The following MFAP3L variants were observed in gnomAD, a reference collection of about 807,000 sequenced individuals.
The protein encoded by MFAP3L is microfibril associated protein 3 like, also known as microfibrillar-associated protein 3-like.
A neutral mutation model predicts 20.0 loss-of-function variants in MFAP3L; 5 were observed. That is an observed-to-expected ratio of 0.25 (90% CI 0.13 to 0.53). The LOEUF (loss-of-function observed/expected upper bound fraction) is 0.53. MFAP3L is among the 20% of genes least tolerant of loss of function. MFAP3L has a pLI of 0.96. For synonymous variants in MFAP3L, 219 were observed against 213.0 expected (o/e 1.03, Z -0.25); for missense variants, 409 against 527.5 (o/e 0.78, Z 2.20).
rs1249129254 is a variant in MFAP3L, at chr4:169,988,278, T to A, written c.*3100A>T. 2 of 152,190 alleles carry A rather than the reference T, an allele frequency of 1.3e-5. No individual in the cohort carries two copies. Among genetic ancestry groups the A allele is most frequent in the Non-Finnish European group, 2.9e-5 (2 of 68,014 alleles). The allele number at this position is 152,190 out of a possible 1,614,324, so 9.4% of individuals were successfully genotyped here. ...TAAAACAAAACCATTATAAATTACA[T>A]AGATTTTTCCATATAAAATTGTTTT... On this transcript the variant is annotated 3_prime_UTR_variant, in exon 3 of 3. Transcript: ENST00000361618.
At chr4:169,997,376 G>T (rs765648218) in intron 2 of MFAP3L, among the ~76,000 whole-genome samples, 1 of 152,030 alleles carries the variant, frequency 6.6e-6, no homozygotes, top group Non-Finnish European at 1.5e-5. Flanking sequence ...CCATATTAAA[G>T]TTAAAAGCAA....
intron 1 of MFAP3L, among the ~76,000 whole-genome samples, chr4:170,011,588 T>G (rs7666219): frequency 6.6e-6 from 1 of 151,970 alleles, no homozygotes; most frequent in African/African-American, 2.4e-5. Flanking sequence ...CAATCCAAAT[T>G]GATATGCATT....
chr4:170,026,400 G>A (rs927009921), upstream of MFAP3L: 5 of 555,334 alleles, frequency 9.0e-6, no homozygotes, highest in African/African-American at 1.0e-4. Flanking sequence ...CCGGCTGCCG[G>A]GAGCGCGGAG....
rs1294211670 is a variant in MFAP3L, at chr4:170,001,221, T to C, written c.298+4359A>G. Among the ~76,000 whole-genome samples the C allele has an allele frequency of 2.0e-5, 3 of 152,326 alleles. No homozygotes were observed. In the East Asian group the frequency reaches 5.8e-4, roughly 29 times the overall value. ...TATCACTGGCTGACACAGCTTGTCATGGTCCCTTGCAGAACTAGTTAAAAG... is the reference window on the plus strand; with the variant it reads ...TATCACTGGCTGACACAGCTTGTCACGGTCCCTTGCAGAACTAGTTAAAAG... On this transcript the variant is annotated intron_variant, in intron 2 of 2. Transcript: ENST00000361618.
At chr4:170,008,998 A>G (rs1173360559) in intron 1 of MFAP3L, among the ~76,000 whole-genome samples, 2 of 152,228 alleles carry the variant, frequency 1.3e-5, no homozygotes, top group Non-Finnish European at 2.9e-5. Context: ...CCTGAAGAAC[A>G]TAAGATATCA....
chr4:170,003,259 A>G (rs1451116436), intron 2 of MFAP3L, among the ~76,000 whole-genome samples: 1 of 152,218 alleles, frequency 6.6e-6, no homozygotes, highest in Admixed American at 6.5e-5. Context: ...CTGGCTACAA[A>G]CCAGAGTGCT....
At chr4:169,994,430 C>G (rs1016275540) in intron 2 of MFAP3L, 22 of 984,646 alleles carry the variant, frequency 2.2e-5, no homozygotes, top group Non-Finnish European at 2.7e-5. Context: ...TTCCCCAAAC[C>G]TAAGTTACAA....
chr4:170,005,948 G>A lies in MFAP3L; in HGVS notation c.-71C>T. The A allele has an allele frequency of 2.0e-6, 3 of 1,535,844 alleles. No individual in the cohort carries two copies. Among genetic ancestry groups the A allele is most frequent in the Non-Finnish European group, 2.6e-6 (3 of 1,139,252 alleles). ...CGAATCTTCTATCAGACAACACACT[G>A]TTCACAGCAGGTCATGGGACAAACC... On this transcript the variant is annotated 5_prime_UTR_variant, in exon 2 of 3. It introduces an in-frame stop codon into an upstream open reading frame of the 5' UTR. Coordinates refer to ENST00000361618, the MANE Select transcript of MFAP3L (RefSeq NM_021647.8).
rs761111964 is a variant in MFAP3L at position 169,992,032 on chromosome 4, G to T, written c.576C>A (p.Thr192=). 1.9e-6 allele frequency: 3 copies of T among 1,614,082 alleles called. No homozygotes were observed. The South Asian group carries it at 3.3e-5, about 18-fold the overall frequency. ...CCTTCTGCAGCTTCTCTGCACCTTC[G>T]GTCCTAAAGAACTCATTGATGGCCT... ...TEKAINEFFR[T]EGAEKLQKAF... Residue 192 remains threonine, a synonymous_variant, in exon 3 of 3, where the codon ACC becomes ACA. Transcript: ENST00000361618. This position sits in a 1 kb window ranked among gnomAD's most constrained non-coding sequence, Gnocchi z 4.3.
In MFAP3L at chr4:170,026,345, G is replaced by C. The variant is rs908149742; in HGVS notation, c.-245C>G. The C allele has an allele frequency of 4.9e-5, 46 of 947,034 alleles. No individual in the cohort carries two copies. Among genetic ancestry groups the C allele is most frequent in the Middle Eastern group, 5.4e-4 (1 of 1,866 alleles). 58.7% of individuals were successfully genotyped at this position (947,034 alleles called of 1,614,324 possible). ...GGACGCCCGGTAGCGCCTACTGCGG[G>C]CGAGCCGCCTCCGCCGGCGCCTCAC... On this transcript the variant is annotated 5_prime_UTR_variant, in exon 1 of 3. Transcript: ENST00000361618.
rs919622987 is a variant in MFAP3L at position 169,988,643 on chromosome 4, A to G, written c.*2735T>C. The stretch of plus-strand genomic sequence containing the variant: ...AAAGTCATGAGGTCTTCTGCATTTC[A>G]TATTCTAGCAGGAGGGCCTCTCATT... On this transcript the variant is annotated 3_prime_UTR_variant, in exon 3 of 3. Coordinates refer to ENST00000361618, the MANE Select transcript of MFAP3L (RefSeq NM_021647.8). 1 of 152,238 alleles carries G rather than the reference A, an allele frequency of 6.6e-6. No homozygotes were observed. Among genetic ancestry groups the G allele is most frequent in the African/African-American group, 2.4e-5 (1 of 41,472 alleles). The allele number at this position is 152,238 out of a possible 1,614,324, so 9.4% of individuals were successfully genotyped here.
intron 2 of MFAP3L, chr4:170,003,959 G>T: frequency 1.8e-6 from 1 of 559,510 alleles, no homozygotes; most frequent in Non-Finnish European, 2.3e-6. Flanking sequence ...TCTTGTTATA[G>T]CCACTTTTTA....
At chr4:170,010,121 T>C (rs893520841) in intron 1 of MFAP3L, among the ~76,000 whole-genome samples, 11 of 152,188 alleles carry the variant, frequency 7.2e-5, no homozygotes, top group African/African-American at 1.9e-4. Flanking sequence ...TTCATATGAA[T>C]TGGAAAGTGG....
At chr4:170,026,115 C>T (rs1483946371) in intron 1 of MFAP3L, 119 bp downstream of exon 1, 1 of 514,628 alleles carries the variant, frequency 1.9e-6, no homozygotes, top group South Asian at 8.2e-5. Context: ...GCCGCAGTCT[C>T]AGCCAGCCCA....
chr4:169,995,215 C>T (rs1738051111), intron 2 of MFAP3L: 1 of 152,066 alleles, frequency 6.6e-6, no homozygotes, highest in Non-Finnish European at 1.5e-5. Flanking sequence ...ATACTATTAC[C>T]AGACCACAAA....
chr4:170,000,798 C>T (rs1011192388), intron 2 of MFAP3L, among the ~76,000 whole-genome samples: 3 of 152,218 alleles, frequency 2.0e-5, no homozygotes, highest in African/African-American at 4.8e-5. Context: ...TCAAGGCTCA[C>T]TGCAGCCTCA....
intron 2 of MFAP3L, chr4:170,001,844 TG>T: frequency 1.2e-6 from 1 of 818,794 alleles, no homozygotes; most frequent in Non-Finnish European, 1.5e-6. Context: ...CCTGATCCTG[TG>T]GAATTGAAGT....
At chr4:170,025,660 G>A (rs113162941) in intron 1 of MFAP3L, among the ~76,000 whole-genome samples, 34 of 152,258 alleles carry the variant, frequency 2.2e-4, no homozygotes, top group African/African-American at 8.2e-4. Flanking sequence ...GCAATTCGAT[G>A]TCAACTTGTT....
At chr4:170,010,943 G>A (rs1034817077) in intron 1 of MFAP3L, among the ~76,000 whole-genome samples, 1 of 152,160 alleles carries the variant, frequency 6.6e-6, no homozygotes, top group Admixed American at 6.5e-5. Flanking sequence ...ACCTTGAATT[G>A]TAATAAACCC....
Sources: gnomAD v4.1 joint callset for allele counts (sites outside exome capture counted in the v4.1 genomes callset) on GRCh38, gnomAD v4.1.1 for gene constraint, Gnocchi (gnomAD v3.1) non-coding constraint, MANE v1.5 for transcripts, NCBI Gene and HGNC (gene_info 2026-07-23, HGNC 2026-07-21) for gene names.